The following TTBK2 variants were observed in gnomAD, a reference collection of about 807,000 sequenced individuals.
TTBK2 encodes the protein tau-tubulin kinase 2.
TTBK2 carries 28 observed loss-of-function variants against 110.8 expected under a neutral mutation model. That is an observed-to-expected ratio of 0.25 (90% CI 0.19 to 0.35). The LOEUF (loss-of-function observed/expected upper bound fraction) is 0.35, where lower values mean the gene tolerates loss of function less well. Among genes scored for constraint, TTBK2 ranks in the 10% least tolerant of loss-of-function variants. The pLI is 1.00. For missense variants in TTBK2, 1,369 were observed against 1,500.3 expected, an observed-to-expected ratio of 0.91 and a Z score of 1.45; for synonymous variants, 532 against 527.3, an observed-to-expected ratio of 1.01 and a Z score of -0.12.
intron 1 of TTBK2, among the ~76,000 whole-genome samples, chr15:42,918,273 C>T (rs1194112445): frequency 6.6e-6 from 1 of 151,900 alleles, no homozygotes; most frequent in Admixed American, 6.6e-5. Context: ...CCCTGTGTTA[C>T]TTAGGCTGGT....
In TTBK2 at chr15:42,753,231, G is replaced by T; in HGVS notation, c.2015C>A (p.Pro672His). ...AGTTGACTGTGTAGATGCCACAGAA[G>T]GTCTAGGAATTGTAATCTGGAGAAG... ...GPLTAITIPRPSVASTQSTSG... is the reference protein window; with the variant it reads ...GPLTAITIPRHSVASTQSTSG... The change falls in exon 14 of 15, where the codon CCT (proline) becomes CAT (histidine). Residue 672 changes from proline (P) to histidine (H), a missense_variant. Physicochemically the swap from Pro to His is moderately conservative, Grantham distance 77. Transcript: ENST00000267890. The T allele has an allele frequency of 1.9e-6, 3 of 1,613,650 alleles. No homozygotes were observed. The highest frequency in any genetic ancestry group is 2.5e-6 in the Non-Finnish European group (3 of 1,179,904).
intron 9 of TTBK2, among the ~76,000 whole-genome samples, chr15:42,799,517 T>C (rs1891088184): frequency 6.6e-6 from 1 of 152,100 alleles, no homozygotes; most frequent in Admixed American, 6.5e-5. Context: ...CACTGCAACC[T>C]CTGCCTCCTG....
intron 9 of TTBK2, among the ~76,000 whole-genome samples, chr15:42,796,202 A>T (rs1272215389): frequency 1.3e-5 from 2 of 152,002 alleles, no homozygotes; most frequent in East Asian, 3.9e-4. Context: ...TCAGGGGTTC[A>T]AGACCAGCCT....
chr15:42,747,449 T>G (rs1349649133), intron 14 of TTBK2, among the ~76,000 whole-genome samples: 1 of 152,206 alleles, frequency 6.6e-6, no homozygotes, highest in African/African-American at 2.4e-5. Context: ...GGAAGACAAT[T>G]TTTCCACGAT....
chr15:42,821,979 C>T (rs1892324266), intron 6 of TTBK2, among the ~76,000 whole-genome samples: 1 of 151,200 alleles, frequency 6.6e-6, no homozygotes. Context: ...TGTGAGCCAC[C>T]ATGCCCAGCC....
chr15:42,751,332 T>C (rs924090043), intron 14 of TTBK2, among the ~76,000 whole-genome samples: 1 of 152,244 alleles, frequency 6.6e-6, no homozygotes, highest in African/African-American at 2.4e-5. Flanking sequence ...TTCTGCATGA[T>C]ATTGAAGTTA....
At chr15:42,890,003 A>C (rs1895390927) in intron 1 of TTBK2, among the ~76,000 whole-genome samples, 1 of 152,188 alleles carries the variant, frequency 6.6e-6, no homozygotes. Context: ...ATCTCCTGTG[A>C]CCTGCACGTA....
intron 3 of TTBK2, among the ~76,000 whole-genome samples, chr15:42,862,056 C>T (rs1894178486): frequency 6.6e-6 from 1 of 152,074 alleles, no homozygotes; most frequent in African/African-American, 2.4e-5. Context: ...AAAACCTGAA[C>T]AGACCAACAA....
At chr15:42,876,924 G>A (rs753956109) in intron 2 of TTBK2, among the ~76,000 whole-genome samples, 7 of 151,992 alleles carry the variant, frequency 4.6e-5, no homozygotes, top group African/African-American at 7.2e-5. Flanking sequence ...ACCATTCACC[G>A]AAACACATCA....
At chr15:42,828,601 T>C (rs1892627077) in intron 5 of TTBK2, among the ~76,000 whole-genome samples, 1 of 151,458 alleles carries the variant, frequency 6.6e-6, no homozygotes, top group African/African-American at 2.4e-5. Flanking sequence ...CGCGCGCCTG[T>C]TATTCCAGCT....
intron 1 of TTBK2, among the ~76,000 whole-genome samples, chr15:42,895,211 T>G (rs1193512468): frequency 6.6e-6 from 1 of 152,196 alleles, no homozygotes; most frequent in East Asian, 1.9e-4. Flanking sequence ...AAAATCTTTA[T>G]TAAAAAATAA....
intron 10 of TTBK2, among the ~76,000 whole-genome samples, chr15:42,785,499 G>A (rs1444776692): frequency 6.6e-6 from 1 of 152,174 alleles, no homozygotes; most frequent in African/African-American, 2.4e-5. Flanking sequence ...TTGCCCTAGA[G>A]GGGAAACTAG....
At chr15:42,819,405 T>TAA (rs1405077002) in intron 6 of TTBK2, among the ~76,000 whole-genome samples, 1 of 152,130 alleles carries the variant, frequency 6.6e-6, no homozygotes, top group Non-Finnish European at 1.5e-5. Context: ...TTGCACAGGA[T>TAA]AAACAATCTA....
chr15:42,830,522 C>CA (rs1213740431), intron 4 of TTBK2, among the ~76,000 whole-genome samples: 1 of 152,072 alleles, frequency 6.6e-6, no homozygotes, highest in Admixed American at 6.6e-5. Context: ...GTGATCCTCT[C>CA]ACTCAACAGA....
At chr15:42,755,266 C>T (rs1429495401) in intron 13 of TTBK2, among the ~76,000 whole-genome samples, 1 of 152,060 alleles carries the variant, frequency 6.6e-6, no homozygotes, top group East Asian at 1.9e-4. Context: ...TAATGAGACC[C>T]ATTAAGTTCT....
At chr15:42,802,123 G>T (rs773452261) in intron 9 of TTBK2, 1 of 1,446,810 alleles carries the variant, frequency 6.9e-7, no homozygotes, top group Non-Finnish European at 9.6e-7. Flanking sequence ...GTTGTTGAGG[G>T]TCTTGATCTG....
chr15:42,769,827 C>T (rs1038214972), intron 13 of TTBK2, among the ~76,000 whole-genome samples: 1 of 152,136 alleles, frequency 6.6e-6, no homozygotes, highest in Non-Finnish European at 1.5e-5. Context: ...TATTGTGGCA[C>T]TATTCACAAC....
intron 14 of TTBK2, among the ~76,000 whole-genome samples, chr15:42,748,936 A>G (rs2061830849): frequency 6.6e-6 from 1 of 152,246 alleles, no homozygotes. Flanking sequence ...CAAGATAAAC[A>G]GCACTGTTAC....
In TTBK2 at chr15:42,752,357, A is replaced by G. The variant is rs754220583; in HGVS notation, c.2889T>C (p.Ser963=). The G allele has an allele frequency of 2.5e-5, 41 of 1,614,100 alleles. No individual in the cohort carries two copies. The highest frequency in any genetic ancestry group is 3.3e-5 in the Non-Finnish European group (39 of 1,180,052). ...DSTLESSSPV[S]AKEKLLQKKA... ...TCTTTTGGAGGAGCTTTTCTTTTGC[A>G]GAAACTGGAGAGGATGATTCCAAAG... The change falls in exon 14 of 15, where the codon TCT becomes TCC. Residue 963 remains serine (S), a synonymous_variant. Transcript: ENST00000267890.
Sources: allele counts gnomAD v4.1 joint callset (sites outside exome capture counted in the v4.1 genomes callset), GRCh38; gene constraint gnomAD v4.1.1; transcripts MANE v1.5; gene names NCBI Gene and HGNC (gene_info 2026-07-23, HGNC 2026-07-21).